Variants in ANKS1B observed in about 807,000 individuals in gnomAD.
The protein encoded by ANKS1B is ankyrin repeat and sterile alpha motif domain-containing protein 1B.
In ANKS1B, 36 loss-of-function variants were observed where a neutral mutation model predicts 148.3. The ratio of observed to expected loss-of-function variants is 0.24; its 90% confidence interval spans 0.19 to 0.32. The LOEUF (loss-of-function observed/expected upper bound fraction) is 0.32. Among genes scored for constraint, ANKS1B ranks in the 10% least tolerant of loss-of-function variants. The pLI is 1.00. For synonymous variants in ANKS1B, 542 were observed against 560.8 expected (o/e 0.97, Z 0.47); for missense variants, 1,157 against 1,542.6 (o/e 0.75, Z 4.19).
intron 12 of ANKS1B, among the ~76,000 whole-genome samples, chr12:99,302,258 A>G (rs983099076): frequency 2.0e-5 from 3 of 152,152 alleles, no homozygotes; most frequent in African/African-American, 7.2e-5. Flanking sequence ...ATTTTGCCGC[A>G]GTGTTATCCA....
intron 10 of ANKS1B, among the ~76,000 whole-genome samples, chr12:99,490,446 T>C (rs1481247834): frequency 6.6e-6 from 1 of 152,232 alleles, no homozygotes; most frequent in Non-Finnish European, 1.5e-5. Context: ...TGTACATTAT[T>C]TATTGACTGA....
intron 5 of ANKS1B, 86 bp from the exon 6 acceptor site, chr12:99,780,058 G>C: frequency 1.1e-6 from 1 of 912,012 alleles, no homozygotes; most frequent in South Asian, 1.4e-5. Flanking sequence ...TGTAATTTCA[G>C]ACATATACAG....
In ANKS1B at chr12:99,246,822, T is replaced by C; in HGVS notation, c.1799A>G (p.Tyr600Cys). Residue 600 changes from tyrosine (Y) to cysteine (C), a missense_variant, in exon 13 of 27, where the codon TAT (tyrosine) becomes TGT (cysteine). By Grantham distance (194) the Tyr-to-Cys change is radical. Around this residue, in one of 6 missense-constraint regions of ANKS1B, gnomAD observed 661 missense variants for 642.1 expected, o/e 1.03. Transcript: ENST00000683438. ...RQDDNDPPKE[Y>C]DPGQFAGLLH... ...CAGGCCTGCAAATTGCCCAGGATCA[T>C]ATTCTTTTGGGGGATCATTGTCATC... 1.2e-6 allele frequency: 2 copies of C among 1,608,264 alleles called. No individual in the cohort carries two copies. The highest frequency in any genetic ancestry group is 1.7e-6 in the Non-Finnish European group (2 of 1,178,652).
At chr12:98,988,548 A>G (rs2099924764) in intron 17 of ANKS1B, among the ~76,000 whole-genome samples, 1 of 152,166 alleles carries the variant, frequency 6.6e-6, no homozygotes, top group Admixed American at 6.5e-5. Flanking sequence ...GATTGTGAAT[A>G]CTGCTGCAAT....
At chr12:99,423,064 C>T (rs7968606) in intron 11 of ANKS1B, among the ~76,000 whole-genome samples, 18,511 of 152,092 alleles carry the variant, frequency 0.12, 1,176 homozygotes, top group Middle Eastern at 0.17. Flanking sequence ...ATTAAATTAT[C>T]TGAGTAGACT....
intron 17 of ANKS1B, among the ~76,000 whole-genome samples, chr12:98,945,858 A>C (rs1054690857): frequency 6.6e-6 from 1 of 152,204 alleles, no homozygotes; most frequent in African/African-American, 2.4e-5. Flanking sequence ...CGGCAAAATC[A>C]ATGGAGATGC....
At chr12:99,529,582 G>C (rs1305230246) in intron 9 of ANKS1B, among the ~76,000 whole-genome samples, 1 of 149,516 alleles carries the variant, frequency 6.7e-6, no homozygotes, top group Admixed American at 6.6e-5. Context: ...GAACCTGGGA[G>C]GCAGAGGTTG....
At chr12:99,875,876 T>C (rs1299392951) in intron 1 of ANKS1B, among the ~76,000 whole-genome samples, 2 of 152,192 alleles carry the variant, frequency 1.3e-5, no homozygotes, top group African/African-American at 2.4e-5. Context: ...AAAATAGACT[T>C]TTTTATGTGA....
chr12:99,409,732 A>G (rs1241598966), intron 11 of ANKS1B, among the ~76,000 whole-genome samples: 1 of 150,602 alleles, frequency 6.6e-6, no homozygotes, highest in Admixed American at 6.6e-5. Context: ...AGAGATGGTC[A>G]TAATATTAAA....
chr12:98,743,642 A>AATG (rs1424671261), downstream of ANKS1B, among the ~76,000 whole-genome samples: 2 of 152,230 alleles, frequency 1.3e-5, no homozygotes, highest in African/African-American at 4.8e-5. Context: ...CCATGTAGAT[A>AATG]ATGTTTTTCC....
chr12:99,327,871 T>A (rs1403111500), intron 12 of ANKS1B, among the ~76,000 whole-genome samples: 1 of 151,844 alleles, frequency 6.6e-6, no homozygotes, highest in African/African-American at 2.4e-5. Flanking sequence ...AATGTGAACA[T>A]ATATGCATGT....
In ANKS1B at chr12:99,443,780, GAGT is replaced by G. The variant is rs781405889; in HGVS notation, c.1465_1467del (p.Thr489del). ...CTGTTTCTATGGTTACTAGTTCCTG[GAGT>G]AGTAACTGCTACCTCAGAGGCATTA... On this transcript the variant is annotated inframe_deletion, in exon 11 of 27. Transcript: ENST00000683438. 6.2e-7 allele frequency: 1 copy of G among 1,611,150 alleles called. No individual in the cohort carries two copies. Among genetic ancestry groups the G allele is most frequent in the East Asian group, 2.2e-5 (1 of 44,762 alleles).
chr12:99,392,212 T>G (rs2094098466), intron 12 of ANKS1B, among the ~76,000 whole-genome samples: 1 of 152,248 alleles, frequency 6.6e-6, no homozygotes, highest in Admixed American at 6.5e-5. Flanking sequence ...CAGTGGCTGC[T>G]GTAATAATGA....
At position 98,745,842 on chromosome 12, in the gene ANKS1B, T is replaced by G; in HGVS notation, c.3755A>C (p.Asp1252Ala). Residue 1252 changes from aspartate (D) to alanine (A), a missense_variant, in exon 27 of 27, where the codon GAC becomes GCC. Physicochemically the swap from Asp to Ala is moderately radical, Grantham distance 126. Coordinates refer to ENST00000683438, the MANE Select transcript of ANKS1B (RefSeq NM_001352186.2). ...RVSIRKSVQI[D>A]PSEQKTLANL... The stretch of plus-strand genomic sequence containing the variant: ...GGCCAGAGTCTTTTGCTCAGATGGG[T>G]CGATCTGCTTTAAAACAGAAAGGCT... 6.2e-7 allele frequency: 1 copy of G among 1,612,760 alleles called. No individual in the cohort carries two copies. The highest frequency in any genetic ancestry group is 8.5e-7 in the Non-Finnish European group (1 of 1,179,344).
At chr12:99,732,737 T>A (rs1265658120) in intron 8 of ANKS1B, among the ~76,000 whole-genome samples, 1 of 152,212 alleles carries the variant, frequency 6.6e-6, no homozygotes, top group Non-Finnish European at 1.5e-5. Flanking sequence ...ATGTAAATTA[T>A]ATCTCTAATT....
intron 11 of ANKS1B, among the ~76,000 whole-genome samples, chr12:99,435,496 CT>C (rs898001676): frequency 1.4e-4 from 21 of 152,078 alleles, no homozygotes; most frequent in African/African-American, 5.1e-4. Flanking sequence ...TCTCAGAGGT[CT>C]TATTTCAATT....
At chr12:99,179,992 GTT>G (rs1446063588) in intron 14 of ANKS1B, among the ~76,000 whole-genome samples, 1 of 152,028 alleles carries the variant, frequency 6.6e-6, no homozygotes, top group African/African-American at 2.4e-5. Flanking sequence ...TTTCCTCCTT[GTT>G]ATGAGAATGC....
chr12:98,864,118 T>C (rs2099612963), intron 17 of ANKS1B, among the ~76,000 whole-genome samples: 1 of 150,260 alleles, frequency 6.7e-6, no homozygotes, highest in South Asian at 2.1e-4. Context: ...CTACAATAGG[T>C]GTCTGTGATG....
chr12:99,723,014 A>C (rs1019056186), intron 8 of ANKS1B, among the ~76,000 whole-genome samples: 10 of 152,124 alleles, frequency 6.6e-5, no homozygotes, highest in African/African-American at 2.4e-4. Flanking sequence ...AGACTGTGCA[A>C]CCTCCTGATC....
Sources: gnomAD v4.1 joint callset for allele counts (sites outside exome capture counted in the v4.1 genomes callset) on GRCh38, gnomAD v4.1.1 for gene constraint, gnomAD v4.1.1 regional missense constraint, MANE v1.5 for transcripts, NCBI Gene and HGNC (gene_info 2026-07-23, HGNC 2026-07-21) for gene names.